CADM1: variants seen among roughly 807,000 people sequenced by gnomAD.
CADM1 encodes the protein cell adhesion molecule 1, also known as TSLC-1.
A neutral mutation model predicts 53.1 loss-of-function variants in CADM1; 15 were observed. The ratio of observed to expected loss-of-function variants is 0.28; its 90% CI spans 0.19 to 0.44. The LOEUF (loss-of-function observed/expected upper bound fraction) is 0.44, where lower values mean the gene tolerates loss of function less well. Among genes scored for constraint, CADM1 ranks in the 20% least tolerant of loss-of-function variants. The pLI, the probability that CADM1 is intolerant of heterozygous loss-of-function variation, is 1.00. For synonymous variants in CADM1, 281 were observed against 243.0 expected (o/e 1.16, Z -1.45); for missense variants, 434 against 611.3 (o/e 0.71, Z 3.06).
At chr11:115,211,380 T>C (rs540434445) in intron 7 of CADM1, among the ~76,000 whole-genome samples, 13 of 152,178 alleles carry the variant, frequency 8.5e-5, no homozygotes, top group African/African-American at 2.6e-4. Flanking sequence ...GGTCAGTTAA[T>C]GTGATTTTTC....
chr11:115,228,742 G>C (rs1466944405), intron 5 of CADM1, among the ~76,000 whole-genome samples: 2 of 151,872 alleles, frequency 1.3e-5, no homozygotes, highest in East Asian at 3.9e-4. Context: ...ACGTAAATGG[G>C]AAAAAAATCC....
intron 1 of CADM1, chr11:115,397,685 T>A (rs1477139704): frequency 0.016 from 1 of 64 alleles, no homozygotes. Flanking sequence ...CTCATTTTTT[T>A]ATTCTCAATG....
intron 1 of CADM1, among the ~76,000 whole-genome samples, chr11:115,261,839 G>A (rs1387502737): frequency 6.6e-6 from 1 of 151,372 alleles, no homozygotes; most frequent in Non-Finnish European, 1.5e-5. Context: ...GAGTGCAGTG[G>A]TTCAATCTCG....
chr11:115,312,885 T>C (rs17118238), intron 1 of CADM1, among the ~76,000 whole-genome samples: 1,573 of 152,220 alleles, frequency 0.01, 23 homozygotes, highest in African/African-American at 0.035. Flanking sequence ...TATTTCACCC[T>C]AAAGCAGCCA....
chr11:115,447,842 C>A (rs1013961572), intron 1 of CADM1, among the ~76,000 whole-genome samples: 21 of 152,244 alleles, frequency 1.4e-4, no homozygotes, highest in Non-Finnish European at 5.9e-5. Context: ...TTCTCTGCCA[C>A]AGTGAGCCAT....
At chr11:115,366,578 G>T (rs958500561) in intron 1 of CADM1, among the ~76,000 whole-genome samples, 1 of 152,082 alleles carries the variant, frequency 6.6e-6, no homozygotes, top group Non-Finnish European at 1.5e-5. Context: ...AAAGAAATAC[G>T]TCATTTTGTT....
At chr11:115,236,796 A>T (rs548768456) in intron 3 of CADM1, among the ~76,000 whole-genome samples, 193 of 152,274 alleles carry the variant, frequency 1.3e-3, no homozygotes, top group African/African-American at 4.5e-3. Context: ...AACAACCTAG[A>T]CTGGAAGACA....
intron 1 of CADM1, among the ~76,000 whole-genome samples, chr11:115,446,437 T>C (rs1948452857): frequency 6.6e-6 from 1 of 152,164 alleles, no homozygotes; most frequent in African/African-American, 2.4e-5. Context: ...GATCAGCAAC[T>C]GAAGGCTCAC....
intron 1 of CADM1, among the ~76,000 whole-genome samples, chr11:115,364,245 T>C (rs1336650812): frequency 6.6e-6 from 1 of 152,210 alleles, no homozygotes; most frequent in Non-Finnish European, 1.5e-5. Context: ...TTAAATTATA[T>C]GCTTCTATAA....
chr11:115,276,561 T>C (rs1422287563), intron 1 of CADM1, among the ~76,000 whole-genome samples: 1 of 152,200 alleles, frequency 6.6e-6, no homozygotes, highest in African/African-American at 2.4e-5. Flanking sequence ...AAATATTGTA[T>C]GTAAAGCCAT....
chr11:115,325,201 T>C (rs1944929344), intron 1 of CADM1, among the ~76,000 whole-genome samples: 1 of 152,162 alleles, frequency 6.6e-6, no homozygotes, highest in South Asian at 2.1e-4. Flanking sequence ...CCTTAGATTA[T>C]CTCCCCAGAG....
intron 1 of CADM1, among the ~76,000 whole-genome samples, chr11:115,254,593 C>CACACAGAG (rs1491508599): frequency 8.7e-4 from 119 of 136,412 alleles, no homozygotes; most frequent in African/African-American, 3.3e-3. Flanking sequence ...CACACACACA[C>CACACAGAG]AGAGACAACA....
At chr11:115,192,026 GAATT>G (rs1939898704) in intron 9 of CADM1, among the ~76,000 whole-genome samples, 1 of 152,124 alleles carries the variant, frequency 6.6e-6, no homozygotes, top group African/African-American at 2.4e-5. Context: ...AGTATTTGTT[GAATT>G]AATAATTTGG....
intron 1 of CADM1, among the ~76,000 whole-genome samples, chr11:115,366,192 T>A (rs534029281): frequency 1.3e-5 from 2 of 152,334 alleles, no homozygotes; most frequent in South Asian, 4.1e-4. Flanking sequence ...TTTGGAATCA[T>A]CAGAAGCAAA....
chr11:115,192,477 C>G (rs1045577736), intron 9 of CADM1, among the ~76,000 whole-genome samples: 1 of 152,182 alleles, frequency 6.6e-6, no homozygotes, highest in African/African-American at 2.4e-5. Flanking sequence ...ATTCCTATTT[C>G]TAATTGGCTT....
chr11:115,236,898 T>C (rs569080642), intron 3 of CADM1, among the ~76,000 whole-genome samples: 1 of 152,302 alleles, frequency 6.6e-6, no homozygotes, highest in East Asian at 1.9e-4. Flanking sequence ...CTGGGCAAGA[T>C]GTCTAACATC....
At chr11:115,188,293 TA>T (rs1227989670) in intron 10 of CADM1, among the ~76,000 whole-genome samples, 1 of 152,120 alleles carries the variant, frequency 6.6e-6, no homozygotes, top group Non-Finnish European at 1.5e-5. Flanking sequence ...CCATCATCAA[TA>T]AAGTTAACAC....
rs765733512 is a variant in CADM1 at position 115,238,630 on chromosome 11, C to T, written c.294G>A (p.Gln98=). 1.2e-6 allele frequency: 2 copies of T among 1,613,882 alleles called. No individual in the cohort carries two copies. The highest frequency in any genetic ancestry group is 1.7e-6 in the Non-Finnish European group (2 of 1,179,838). ...DFRPLKDSRF[Q]LLNFSSSELK... is the part of the protein sequence containing the mutation. ...GTTCACTGCTAGAAAAATTCAGCAA[C>T]TGAAACCTGCTGTCCTTCAAAGCTG... The change falls in exon 3 of 12, where the codon CAG becomes CAA. Residue 98 remains glutamine, a synonymous_variant. Transcript: ENST00000331581.
intron 8 of CADM1, among the ~76,000 whole-genome samples, chr11:115,209,129 C>T (rs1289987537): frequency 6.6e-6 from 1 of 152,170 alleles, no homozygotes; most frequent in Non-Finnish European, 1.5e-5. Context: ...GATGACTATG[C>T]ATTTAGTAGC....
Sources: allele counts gnomAD v4.1 joint callset (sites outside exome capture counted in the v4.1 genomes callset), GRCh38; gene constraint gnomAD v4.1.1; transcripts MANE v1.5; gene names NCBI Gene and HGNC (gene_info 2026-07-23, HGNC 2026-07-21).